The following SDK1 variants were observed in gnomAD, a reference collection of about 807,000 sequenced individuals.
SDK1 encodes sidekick cell adhesion molecule 1.
Under a neutral mutation model 245.5 loss-of-function variants are expected in SDK1, and 157 were observed. The ratio of observed to expected loss-of-function variants is 0.64; its 90% CI spans 0.56 to 0.73. SDK1 has a LOEUF of 0.73. Ranked by LOEUF, SDK1 falls within the 30% of genes least tolerant of loss-of-function variation. SDK1 has a pLI of 0.00. For missense variants in SDK1, 3,583 were observed against 3,002.3 expected (o/e 1.19, Z -4.52); for synonymous variants, 1,647 against 1,278.5 (o/e 1.29, Z -6.15).
At chr7:4,193,950 G>A (rs986607795) in intron 35 of SDK1, among the ~76,000 whole-genome samples, 1 of 152,160 alleles carries the variant, frequency 6.6e-6, no homozygotes, top group Non-Finnish European at 1.5e-5. Flanking sequence ...TGAATCAGGA[G>A]CGTCAAATGC....
chr7:3,432,075 G>A (rs1392719825), intron 1 of SDK1, among the ~76,000 whole-genome samples: 2 of 150,000 alleles, frequency 1.3e-5, no homozygotes, highest in East Asian at 3.9e-4. Flanking sequence ...GTCAGTCTGT[G>A]TGAAATACTT....
chr7:3,476,142 C>T (rs1781342410), intron 1 of SDK1: 1 of 152,612 alleles, frequency 6.6e-6, no homozygotes, highest in African/African-American at 2.4e-5. Context: ...TTCCGTTTCA[C>T]TCATGAAAGG....
intron 1 of SDK1, among the ~76,000 whole-genome samples, chr7:3,311,252 G>A (rs2128543537): frequency 6.6e-6 from 1 of 152,178 alleles, no homozygotes; most frequent in African/African-American, 2.4e-5. Context: ...AATAATATTT[G>A]AACTGCAGTA....
intron 1 of SDK1, among the ~76,000 whole-genome samples, chr7:3,572,170 T>C (rs1376061772): frequency 6.6e-6 from 1 of 152,112 alleles, no homozygotes; most frequent in Non-Finnish European, 1.5e-5. Context: ...CTGTGGGTGA[T>C]AGAACTAATA....
At chr7:3,773,844 C>T (rs1165104777) in intron 4 of SDK1, among the ~76,000 whole-genome samples, 1 of 152,180 alleles carries the variant, frequency 6.6e-6, no homozygotes, top group East Asian at 1.9e-4. Flanking sequence ...CTCATATATG[C>T]AGTTGCTTTT....
chr7:4,023,400 G>C lies in SDK1; in HGVS notation c.2602+6048G>C, dbSNP rs201718765. 2.1e-4 allele frequency among the ~76,000 whole-genome samples: 32 copies of C among 152,244 alleles called. No individual in the cohort carries two copies. The East Asian group carries it at 6.0e-3, about 29-fold the overall frequency. On this transcript the variant is annotated intron_variant, in intron 17 of 44. Transcript: ENST00000404826. ...GTTTCAGCCAAGTGAACTTTCTGAG[G>C]GGTGAGAGGAAAGGTTGGTGCTCTC...
intron 1 of SDK1, among the ~76,000 whole-genome samples, chr7:3,571,898 T>TA (rs1441075755): frequency 2.6e-5 from 4 of 152,018 alleles, no homozygotes; most frequent in Non-Finnish European, 5.9e-5. Flanking sequence ...ACCTAGCCCT[T>TA]AAAAAGCCAT....
At chr7:3,638,142 G>C (rs1330260715) in intron 2 of SDK1, among the ~76,000 whole-genome samples, 3 of 152,202 alleles carry the variant, frequency 2.0e-5, no homozygotes, top group Admixed American at 1.3e-4. Flanking sequence ...CACTGTGCTA[G>C]ATACCATGGT....
intron 4 of SDK1, among the ~76,000 whole-genome samples, chr7:3,775,245 A>T (rs1780519207): frequency 6.6e-6 from 1 of 152,120 alleles, no homozygotes; most frequent in Non-Finnish European, 1.5e-5. Context: ...GTCTTTCTTC[A>T]CTATTTTGGC....
chr7:3,645,173 C>G (rs1782790659), intron 4 of SDK1, among the ~76,000 whole-genome samples: 1 of 152,144 alleles, frequency 6.6e-6, no homozygotes. Context: ...CAAATACATG[C>G]TAAAGCCTGT....
intron 1 of SDK1, among the ~76,000 whole-genome samples, chr7:3,386,904 C>CT (rs1781622973): frequency 6.6e-6 from 1 of 152,152 alleles, no homozygotes. Flanking sequence ...GACATCTTTA[C>CT]TGAATGCTGC....
At chr7:3,350,007 T>C (rs1414251734) in intron 1 of SDK1, among the ~76,000 whole-genome samples, 1 of 152,082 alleles carries the variant, frequency 6.6e-6, no homozygotes. Context: ...GAGGATGAAG[T>C]TTGGGGACTT....
intron 1 of SDK1, among the ~76,000 whole-genome samples, chr7:3,544,978 C>T (rs150034781): frequency 2.6e-5 from 4 of 152,178 alleles, no homozygotes; most frequent in Admixed American, 2.6e-4. Context: ...GTAACTGAGT[C>T]CCTAACTTCT....
At chr7:3,994,057 C>T (rs1220051801) in intron 14 of SDK1, among the ~76,000 whole-genome samples, 2 of 152,122 alleles carry the variant, frequency 1.3e-5, no homozygotes, top group South Asian at 2.1e-4. Flanking sequence ...GGCTCTATTT[C>T]CCCTCCTGCC....
chr7:3,825,618 C>T (rs965089059), intron 5 of SDK1, among the ~76,000 whole-genome samples: 1 of 152,178 alleles, frequency 6.6e-6, no homozygotes, highest in African/African-American at 2.4e-5. Context: ...CAAACCCTTG[C>T]TTTTAATTCT....
intron 5 of SDK1, among the ~76,000 whole-genome samples, chr7:3,834,050 T>A (rs796227784): frequency 2.6e-5 from 4 of 152,312 alleles, no homozygotes; most frequent in African/African-American, 4.8e-5. Flanking sequence ...AAACTTATTA[T>A]AGAGGGAAAC....
chr7:3,541,307 C>T (rs1779047382), intron 1 of SDK1, among the ~76,000 whole-genome samples: 1 of 152,198 alleles, frequency 6.6e-6, no homozygotes, highest in Non-Finnish European at 1.5e-5. Flanking sequence ...TTACTAAACT[C>T]CTCCTGTGTG....
intron 1 of SDK1, among the ~76,000 whole-genome samples, chr7:3,403,863 ATAT>A (rs1190644214): frequency 2.0e-5 from 2 of 100,014 alleles, no homozygotes; most frequent in Admixed American, 9.7e-5. Flanking sequence ...ATATATATAT[ATAT>A]ATAATATATA....
intron 1 of SDK1, among the ~76,000 whole-genome samples, chr7:3,412,713 G>A (rs1310610353): frequency 6.6e-6 from 1 of 152,174 alleles, no homozygotes; most frequent in Non-Finnish European, 1.5e-5. Flanking sequence ...TAGGTTGCGA[G>A]TGTATGAAAG....
Sources: allele counts gnomAD v4.1 joint callset (sites outside exome capture counted in the v4.1 genomes callset), GRCh38; gene constraint gnomAD v4.1.1; transcripts MANE v1.5; gene names NCBI Gene and HGNC (gene_info 2026-07-23, HGNC 2026-07-21).